Variants in RNLS observed in about 807,000 individuals in gnomAD.
RNLS encodes the protein renalase, FAD dependent amine oxidase, also known as renalase.
Under a neutral mutation model 39.8 loss-of-function variants are expected in RNLS, and 39 were observed. The ratio of observed to expected loss-of-function variants is 0.98; its 90% CI spans 0.76 to 1.28. RNLS has a LOEUF of 1.28. RNLS is among the 50% of genes most tolerant of loss of function. The pLI is 0.00. For synonymous variants in RNLS, 147 were observed against 150.7 expected (o/e 0.98, Z 0.18); for missense variants, 410 against 413.3 (o/e 0.99, Z 0.07).
intron 4 of RNLS, among the ~76,000 whole-genome samples, chr10:88,519,401 T>C (rs1166756771): frequency 3.3e-5 from 5 of 151,572 alleles, no homozygotes; most frequent in South Asian, 2.1e-4. Context: ...CTTAATCTTA[T>C]AAAAACAACA....
the RNLS span, among the ~76,000 whole-genome samples, chr10:88,254,313 C>T: frequency 0.083 from 12,562 of 152,250 alleles, 904 homozygotes; most frequent in African/African-American, 0.2. Flanking sequence ...ACAGGAGTAG[C>T]ACTAGATGCA....
chr10:88,330,655 C>T (rs1001416413), intron 5 of RNLS, among the ~76,000 whole-genome samples: 4 of 151,856 alleles, frequency 2.6e-5, no homozygotes, highest in Admixed American at 6.6e-5. Flanking sequence ...GTAGTGAATC[C>T]AATAAACTTG....
the RNLS span, among the ~76,000 whole-genome samples, chr10:88,173,967 C>T: frequency 4.0e-5 from 6 of 151,410 alleles, no homozygotes; most frequent in African/African-American, 1.5e-4. Context: ...GATCTTTAAC[C>T]TGTTCAGAGA....
the RNLS span, among the ~76,000 whole-genome samples, chr10:88,218,554 G>C: frequency 1.3e-5 from 2 of 152,150 alleles, no homozygotes; most frequent in Non-Finnish European, 2.9e-5. Context: ...TGGACGGCTG[G>C]CTGGGCCCTG....
At chr10:88,475,099 T>C (rs1843734612) in intron 4 of RNLS, among the ~76,000 whole-genome samples, 1 of 152,072 alleles carries the variant, frequency 6.6e-6, no homozygotes, top group African/African-American at 2.4e-5. Context: ...TGAGATGTAA[T>C]GAAGAAGTCA....
intron 4 of RNLS, among the ~76,000 whole-genome samples, chr10:88,458,107 C>T (rs1026096379): frequency 1.3e-5 from 2 of 152,218 alleles, no homozygotes; most frequent in African/African-American, 4.8e-5. Context: ...CCTTCCAGGA[C>T]ATCCATCATG....
At chr10:88,318,448 G>T (rs1268512230) in intron 5 of RNLS, among the ~76,000 whole-genome samples, 1 of 152,210 alleles carries the variant, frequency 6.6e-6, no homozygotes, top group African/African-American at 2.4e-5. Flanking sequence ...TGCAGTAGTG[G>T]TTCTTCTGGC....
intron 4 of RNLS, among the ~76,000 whole-genome samples, chr10:88,552,620 T>C (rs1294845259): frequency 6.6e-6 from 1 of 152,186 alleles, no homozygotes; most frequent in East Asian, 1.9e-4. Flanking sequence ...ATGACAATTG[T>C]GTTCACAGAT....
chr10:88,498,982 C>T (rs1408076353), intron 4 of RNLS, among the ~76,000 whole-genome samples: 1 of 152,064 alleles, frequency 6.6e-6, no homozygotes, highest in Non-Finnish European at 1.5e-5. Flanking sequence ...CTATGAAAGA[C>T]ATTTTGAGAG....
the RNLS span, among the ~76,000 whole-genome samples, chr10:88,174,256 ATGAT>A: frequency 1.3e-5 from 2 of 150,868 alleles, no homozygotes; most frequent in Admixed American, 1.3e-4. Context: ...TTTCTTTTGC[ATGAT>A]TGATCTGGCT....
At chr10:88,499,559 G>A (rs1339094508) in intron 4 of RNLS, among the ~76,000 whole-genome samples, 2 of 152,000 alleles carry the variant, frequency 1.3e-5, no homozygotes, top group African/African-American at 4.8e-5. Flanking sequence ...GCAGGGGTGG[G>A]GTGAGGCACA....
intron 5 of RNLS, among the ~76,000 whole-genome samples, chr10:88,349,689 A>ATTTTTT (rs1564717142): frequency 6.6e-6 from 1 of 152,008 alleles, no homozygotes; most frequent in East Asian, 1.9e-4. Flanking sequence ...ATAACAAAAA[A>ATTTTTT]TATTTATTTT....
the RNLS span, among the ~76,000 whole-genome samples, chr10:88,172,496 A>G: frequency 1.3e-5 from 2 of 152,120 alleles, no homozygotes; most frequent in African/African-American, 2.4e-5. Flanking sequence ...AGGTCTATTC[A>G]GATCCTTTCT....
intron 4 of RNLS, among the ~76,000 whole-genome samples, chr10:88,555,404 C>T (rs959597365): frequency 2.0e-5 from 3 of 151,782 alleles, no homozygotes; most frequent in Non-Finnish European, 2.9e-5. Context: ...GTCATGGGGG[C>T]GGATCTCTCA....
At position 88,336,492 on chromosome 10, in the gene RNLS, T is replaced by C. The variant is rs139881504; in HGVS notation, c.701-21851A>G. Among the ~76,000 whole-genome samples the C allele has an allele frequency of 2.0e-4, 30 of 152,318 alleles. 1 individual carries two copies. Among genetic ancestry groups the C allele is most frequent in the African/African-American group, 6.7e-4 (28 of 41,582 alleles). On this transcript the variant is annotated intron_variant, in intron 5 of 6. Coordinates refer to ENST00000331772, the MANE Select transcript of RNLS (RefSeq NM_001031709.3). The stretch of plus-strand genomic sequence containing the variant: ...GCATTTAGTTAAATATAAACAAGTG[T>C]GTAAAACCCCACACGATGAATTGAA...
rs569218560 is a variant in RNLS at position 88,276,039 on chromosome 10, G to A, written c.877-1007C>T. 3.9e-5 allele frequency among the ~76,000 whole-genome samples: 6 copies of A among 152,146 alleles called. No individual in the cohort carries two copies. In the South Asian group the frequency reaches 1.2e-3, roughly 32 times the overall value. On this transcript the variant is annotated intron_variant, in intron 6 of 6. Transcript: ENST00000371947. ...ACTATACTCCAGCTTAGGTGACAGA[G>A]CAAGACACTGTCTCTAAAAATAACA...
At chr10:88,194,595 T>A in the RNLS span, among the ~76,000 whole-genome samples, 1 of 151,934 alleles carries the variant, frequency 6.6e-6, no homozygotes, top group Non-Finnish European at 1.5e-5. Flanking sequence ...TGACTAAGAG[T>A]CAACCAAAGA....
At position 88,528,814 on chromosome 10, in the gene RNLS, C is replaced by T. The variant is rs1267530315; in HGVS notation, c.526+44089G>A. On this transcript the variant is annotated intron_variant, in intron 4 of 6. Transcript: ENST00000331772. ...GTTGCAGTGAGCCAAGACCGCACCACTGCACTCCAGCCTGGGTGACAGTGC... is the reference window on the plus strand; with the variant it reads ...GTTGCAGTGAGCCAAGACCGCACCATTGCACTCCAGCCTGGGTGACAGTGC... 6.1e-5 allele frequency among the ~76,000 whole-genome samples: 9 copies of T among 148,280 alleles called. No individual in the cohort carries two copies. The East Asian group carries it at 1.8e-3, about 30-fold the overall frequency.
At chr10:88,290,688 G>A (rs1843609156) in intron 6 of RNLS, among the ~76,000 whole-genome samples, 1 of 152,116 alleles carries the variant, frequency 6.6e-6, no homozygotes, top group Non-Finnish European at 1.5e-5. Context: ...CATTCTAAAG[G>A]CTCGCATTTA....
Sources: gnomAD v4.1 joint callset for allele counts (sites outside exome capture counted in the v4.1 genomes callset) on GRCh38, gnomAD v4.1.1 for gene constraint, MANE v1.5 for transcripts, NCBI Gene and HGNC (gene_info 2026-07-23, HGNC 2026-07-21) for gene names.